Variants in LUZP2 observed in about 807,000 individuals in gnomAD.
LUZP2 encodes leucine zipper protein 2.
In LUZP2, 52 loss-of-function variants were observed where a neutral mutation model predicts 51.6. That is an observed-to-expected ratio of 1.01 (90% CI 0.81 to 1.27). The LOEUF is 1.27. LUZP2 is among the 50% of genes most tolerant of loss of function. The probability of loss-of-function intolerance (pLI) is 0.00; values close to 1 mark genes in which losing one functional copy is unlikely to be tolerated. For synonymous variants in LUZP2, 154 were observed against 137.3 expected (o/e 1.12, Z -0.85); for missense variants, 436 against 395.4 (o/e 1.10, Z -0.87).
intron 4 of LUZP2, among the ~76,000 whole-genome samples, chr11:24,742,060 TA>T (rs1169935285): frequency 0.016 from 2,102 of 134,598 alleles, 158 homozygotes; most frequent in African/African-American, 0.055. Flanking sequence ...AATATAATTA[TA>T]TATATATATA....
rs115385589 is a variant in LUZP2, at chr11:25,032,096, T to C, written c.766-17942T>C. ...GTCTGCAAATAGAGGAAAGAAGCCA[T>C]AAGCCAAAGGATGTGACTAGGCTCT... On this transcript the variant is annotated intron_variant, in intron 9 of 11. Coordinates refer to ENST00000336930, the MANE Select transcript of LUZP2 (RefSeq NM_001009909.4). Among the ~76,000 whole-genome samples, 1,101 of 152,146 alleles carry C rather than the reference T, an allele frequency of 7.2e-3. 19 individuals carry two copies. The highest frequency in any genetic ancestry group is 0.024 in the African/African-American group (1,003 of 41,504).
Position 24,738,221 on chromosome 11 carries a change from A to G in LUZP2, c.252A>G (p.Arg84=). 1 of 1,597,238 alleles carries G rather than the reference A, an allele frequency of 6.3e-7. No individual in the cohort carries two copies. The change falls in exon 4 of 12, where the codon AGA becomes AGG. Residue 84 remains arginine, a splice_region_variant and synonymous_variant. Coordinates refer to ENST00000336930, the MANE Select transcript of LUZP2 (RefSeq NM_001009909.4). ...TATGCTCTGTTTTCTACTAAAATAG[A>G]GAAGAAATGAAGTCTCTTCAGGAGG... ...QKLLELGQKQ[R]EEMKSLQEAL...
At chr11:24,545,909 T>C (rs1851525032) in intron 1 of LUZP2, among the ~76,000 whole-genome samples, 1 of 152,108 alleles carries the variant, frequency 6.6e-6, no homozygotes, top group African/African-American at 2.4e-5. Context: ...TGATTCTTCC[T>C]ATCCATGAGC....
At chr11:25,063,509 C>T (rs1269625364) in intron 10 of LUZP2, among the ~76,000 whole-genome samples, 2 of 151,672 alleles carry the variant, frequency 1.3e-5, no homozygotes, top group African/African-American at 4.8e-5. Flanking sequence ...ATGTTATAGC[C>T]AACAGTAAAT....
intron 1 of LUZP2, among the ~76,000 whole-genome samples, chr11:24,506,097 C>T (rs1850139242): frequency 6.6e-6 from 1 of 151,914 alleles, no homozygotes; most frequent in South Asian, 2.1e-4. Context: ...TTAAGTAATC[C>T]TACAATGGGA....
Position 25,013,927 on chromosome 11 carries a change from G to A in LUZP2, c.765+30634G>A, listed in dbSNP as rs565495293. On this transcript the variant is annotated intron_variant, in intron 9 of 11. Transcript: ENST00000336930. ...CCCCCACCCCATGACAGGCCCCAGT[G>A]TGTGATGTTCCCCTTCCTGTGTCCA... is the stretch of plus-strand genomic sequence containing the variant. 5.9e-5 allele frequency among the ~76,000 whole-genome samples: 9 copies of A among 151,956 alleles called. 1 individual carries two copies. In the South Asian group the frequency reaches 1.9e-3, roughly 32 times the overall value.
At chr11:24,984,549 T>TATATATATATAAAAAA (rs60530495) in intron 9 of LUZP2, among the ~76,000 whole-genome samples, 3 of 71,224 alleles carry the variant, frequency 4.2e-5, no homozygotes, top group African/African-American at 1.4e-4. Context: ...TATATATATA[T>TATATATATATAAAAAA]AATTGTGAAT....
intron 9 of LUZP2, among the ~76,000 whole-genome samples, chr11:25,041,282 TAAC>T (rs535494330): frequency 1.1e-4 from 16 of 152,240 alleles, no homozygotes; most frequent in African/African-American, 3.6e-4. Context: ...AGTAAGATAT[TAAC>T]AACAATAATT....
At chr11:25,020,569 CAG>C (rs1857302954) in intron 9 of LUZP2, among the ~76,000 whole-genome samples, 2 of 151,826 alleles carry the variant, frequency 1.3e-5, no homozygotes, top group East Asian at 1.9e-4. Flanking sequence ...GTCATTTTTG[CAG>C]AGTTATATTC....
chr11:24,674,648 C>G lies in LUZP2; in HGVS notation c.63-54521C>G, dbSNP rs185100500. Among the ~76,000 whole-genome samples, 98 of 152,008 alleles carry G rather than the reference C, an allele frequency of 6.4e-4. 2 individuals are homozygous for G. In the South Asian group the frequency reaches 0.013, roughly 20 times the overall value. On this transcript the variant is annotated intron_variant, in intron 1 of 11. Transcript: ENST00000336930. ...ACATGCTTATATGCAACCTTTGTCC[C>G]AAACTTTATTCCCCTGTATTCCTAA...
chr11:24,718,097 T>A (rs1456072974), intron 1 of LUZP2, among the ~76,000 whole-genome samples: 1 of 152,166 alleles, frequency 6.6e-6, no homozygotes, highest in Non-Finnish European at 1.5e-5. Context: ...AGGCTTTCTT[T>A]TATAGAGAGA....
intron 5 of LUZP2, among the ~76,000 whole-genome samples, chr11:24,853,222 T>C (rs1851448275): frequency 6.6e-6 from 1 of 152,136 alleles, no homozygotes; most frequent in African/African-American, 2.4e-5. Flanking sequence ...AGTTTTTCCT[T>C]TCCATATTTA....
At chr11:24,973,083 G>C (rs1161223118) in intron 7 of LUZP2, among the ~76,000 whole-genome samples, 2 of 110,430 alleles carry the variant, frequency 1.8e-5, no homozygotes, top group Admixed American at 1.9e-4. Flanking sequence ...TTAAATTTTT[G>C]GTTGGTAGGC....
intron 1 of LUZP2, among the ~76,000 whole-genome samples, chr11:24,601,934 A>G (rs1315413273): frequency 7.2e-6 from 1 of 139,622 alleles, no homozygotes; most frequent in African/African-American, 2.7e-5. Context: ...ATATATGTAT[A>G]TATGTATATA....
intron 5 of LUZP2, among the ~76,000 whole-genome samples, chr11:24,837,480 T>G (rs1850895173): frequency 6.6e-6 from 1 of 151,748 alleles, no homozygotes; most frequent in Non-Finnish European, 1.5e-5. Context: ...CACTACAATT[T>G]TATGAGACAG....
intron 10 of LUZP2, among the ~76,000 whole-genome samples, chr11:25,061,456 C>G (rs1858834613): frequency 6.6e-6 from 1 of 152,058 alleles, no homozygotes; most frequent in South Asian, 2.1e-4. Context: ...GTGGCTTATC[C>G]CACTTTATAA....
At chr11:24,934,917 C>T (rs1854547569) in intron 7 of LUZP2, among the ~76,000 whole-genome samples, 2 of 152,152 alleles carry the variant, frequency 1.3e-5, no homozygotes, top group Admixed American at 6.5e-5. Flanking sequence ...GTTCAGCCTC[C>T]AGAGAGCTAC....
intron 1 of LUZP2, among the ~76,000 whole-genome samples, chr11:24,520,815 G>C (rs1850616207): frequency 6.6e-6 from 1 of 152,252 alleles, no homozygotes; most frequent in African/African-American, 2.4e-5. Flanking sequence ...CCAGTCCCAA[G>C]AGAGGACTCC....
chr11:24,947,739 G>C (rs555849733), intron 7 of LUZP2, among the ~76,000 whole-genome samples: 1 of 151,754 alleles, frequency 6.6e-6, no homozygotes, highest in Admixed American at 6.6e-5. Context: ...AAATCGTTGG[G>C]TGATATCTGT....
Sources: gnomAD v4.1 joint callset for allele counts (sites outside exome capture counted in the v4.1 genomes callset) on GRCh38, gnomAD v4.1.1 for gene constraint, MANE v1.5 for transcripts, NCBI Gene and HGNC (gene_info 2026-07-23, HGNC 2026-07-21) for gene names.